Variants in ERGIC3 observed in about 807,000 individuals in gnomAD.
The protein encoded by ERGIC3 is endoplasmic reticulum-Golgi intermediate compartment protein 3.
ERGIC3 carries 33 observed loss-of-function variants against 54.7 expected under a neutral mutation model. The observed-to-expected ratio is 0.60, with a 90% CI of 0.46 to 0.81. The LOEUF is 0.81. Among genes scored for constraint, ERGIC3 ranks in the 30% least tolerant of loss-of-function variants. The pLI is 0.00. For synonymous variants in ERGIC3, 186 were observed against 189.8 expected (o/e 0.98, Z 0.16); for missense variants, 399 against 488.4 (o/e 0.82, Z 1.73).
intron 7 of ERGIC3, among the ~76,000 whole-genome samples, chr20:35,551,223 G>A (rs1427931709): frequency 6.6e-6 from 1 of 151,932 alleles, no homozygotes; most frequent in Non-Finnish European, 1.5e-5. Context: ...GAACCCAGGA[G>A]GCGGAGGTTG....
chr20:35,548,425 G>A (rs1264427812), intron 5 of ERGIC3, 84 bp from the exon 6 acceptor site: 14 of 1,452,498 alleles, frequency 9.6e-6, no homozygotes, highest in Non-Finnish European at 9.4e-7. Flanking sequence ...TTAGCAGGCA[G>A]AGCTGCTCGG....
chr20:35,554,239 T>C (rs1005407473), intron 7 of ERGIC3: 7 of 1,208,844 alleles, frequency 5.8e-6, no homozygotes, highest in African/African-American at 1.5e-5. Flanking sequence ...GAAGGAGGCT[T>C]GTTAGCTGGG....
chr20:35,546,224 A>G (rs2064648017), intron 4 of ERGIC3, among the ~76,000 whole-genome samples: 1 of 152,198 alleles, frequency 6.6e-6, no homozygotes, highest in African/African-American at 2.4e-5. Context: ...TGAAAATCGG[A>G]TCAAAGAGCA....
chr20:35,555,514 A>G (rs2147310726), intron 8 of ERGIC3, among the ~76,000 whole-genome samples: 1 of 152,282 alleles, frequency 6.6e-6, no homozygotes, highest in Middle Eastern at 3.4e-3. Context: ...TTTAGGAAAG[A>G]TCCTTCTAGT....
chr20:35,557,411 T>A lies in ERGIC3; in HGVS notation c.1073-14T>A. 1 of 1,613,882 alleles carries A rather than the reference T, an allele frequency of 6.2e-7. No individual in the cohort carries two copies. On this transcript the variant is annotated splice_polypyrimidine_tract_variant and intron_variant, in intron 12 of 12. Coordinates refer to ENST00000348547, the MANE Select transcript of ERGIC3 (RefSeq NM_015966.3). ...CCCCCACTGGGCCAGTGCCAGCCCT[T>A]GTCTCTCTCCCAGTGGCTGGACTCA... is the stretch of plus-strand genomic sequence containing the variant.
chr20:35,546,845 T>C (rs377697279), intron 4 of ERGIC3, among the ~76,000 whole-genome samples: 20 of 152,238 alleles, frequency 1.3e-4, no homozygotes, highest in African/African-American at 4.3e-4. Context: ...GGTATGAGTA[T>C]GAAAATGGGT....
chr20:35,542,997 A>T, intron 4 of ERGIC3, 56 bp downstream of exon 4: 1 of 1,610,038 alleles, frequency 6.2e-7, no homozygotes, highest in Admixed American at 1.7e-5. Flanking sequence ...ACCCAAGCCT[A>T]TCTGCTAGCA....
At chr20:35,548,447 C>T (rs976148001) in intron 5 of ERGIC3, 62 bp from the exon 6 acceptor site, 161 of 1,568,106 alleles carry the variant, frequency 1.0e-4, no homozygotes, top group Non-Finnish European at 4.2e-5. Context: ...CTCTATTTCC[C>T]CAGATGCCAG....
At chr20:35,555,233 C>A (rs554682035) in intron 8 of ERGIC3, among the ~76,000 whole-genome samples, 158 bp downstream of exon 8, 1 of 152,180 alleles carries the variant, frequency 6.6e-6, no homozygotes, top group African/African-American at 2.4e-5. Flanking sequence ...GCGAGAGTGA[C>A]TTTTGAACTG....
intron 4 of ERGIC3, among the ~76,000 whole-genome samples, chr20:35,546,729 C>T (rs183616862): frequency 2.6e-4 from 40 of 152,200 alleles, no homozygotes; most frequent in Middle Eastern, 6.8e-3. Flanking sequence ...TGGTGGATTT[C>T]GGGTACTAAA....
intron 5 of ERGIC3, among the ~76,000 whole-genome samples, chr20:35,547,831 A>G (rs1165971095): frequency 6.6e-6 from 1 of 152,142 alleles, no homozygotes; most frequent in Non-Finnish European, 1.5e-5. Flanking sequence ...GTGAAGAGGG[A>G]TGATAATAAC....
At chr20:35,556,315 A>G in intron 10 of ERGIC3, 44 bp downstream of exon 10, 2 of 1,600,164 alleles carry the variant, frequency 1.2e-6, no homozygotes, top group Non-Finnish European at 1.7e-6. Context: ...CGCGGTGCCA[A>G]GCACTGGAGT....
At chr20:35,544,454 C>A in intron 4 of ERGIC3, 1 of 317,342 alleles carries the variant, frequency 3.2e-6, no homozygotes, top group Non-Finnish European at 6.4e-6. Flanking sequence ...CATCAGCTTT[C>A]CTCATGATGG....
chr20:35,555,050 A>G lies in ERGIC3; in HGVS notation c.692A>G (p.Asp231Gly). Residue 231 changes from aspartate (D) to glycine (G), a missense_variant, in exon 8 of 13, where the codon GAC becomes GGC. Coordinates refer to ENST00000348547, the MANE Select transcript of ERGIC3 (RefSeq NM_015966.3). Reference sequence around the variant, plus strand: ...CTTCTCCCTTCTCTCCTAGTCCATGACTTGCAGAGCTTTGGCCTTGACAAC... The same window carrying G: ...CTTCTCCCTTCTCTCCTAGTCCATGGCTTGCAGAGCTTTGGCCTTGACAAC... ...SFQQSHVHVH[D>G]LQSFGLDNIN... 2 of 1,611,366 alleles carry G rather than the reference A, an allele frequency of 1.2e-6. No individual in the cohort carries two copies. The highest frequency in any genetic ancestry group is 1.7e-5 in the Admixed American group (1 of 59,506).
At chr20:35,556,870 G>A (rs756507347) in intron 10 of ERGIC3, 103 bp from the exon 11 acceptor site, 5 of 1,529,548 alleles carry the variant, frequency 3.3e-6, no homozygotes, top group Middle Eastern at 1.7e-4. Context: ...CTCCTTACAC[G>A]GCCAAGGCTC....
chr20:35,552,152 A>C (rs920319159), intron 7 of ERGIC3, among the ~76,000 whole-genome samples: 1 of 152,162 alleles, frequency 6.6e-6, no homozygotes, highest in Non-Finnish European at 1.5e-5. Flanking sequence ...CAGGCTCTGT[A>C]GGTACAGGTA....
chr20:35,542,646 A>G, intron 3 of ERGIC3, 46 bp downstream of exon 3: 1 of 1,609,544 alleles, frequency 6.2e-7, no homozygotes, highest in East Asian at 2.2e-5. Flanking sequence ...CAGGGTTCTC[A>G]TGTGGGCTGC....
At chr20:35,543,567 G>A (rs2064629217) in intron 4 of ERGIC3, 1 of 469,830 alleles carries the variant, frequency 2.1e-6, no homozygotes, top group Admixed American at 2.4e-5. Flanking sequence ...CGTTAACTCA[G>A]TTTCCCACCA....
intron 7 of ERGIC3, among the ~76,000 whole-genome samples, chr20:35,552,332 G>A (rs1481935719): frequency 2.0e-5 from 3 of 152,200 alleles, no homozygotes; most frequent in African/African-American, 7.2e-5. Context: ...GTGGAAGAGT[G>A]CGTGGACTGG....
Sources: gnomAD v4.1 joint callset for allele counts (sites outside exome capture counted in the v4.1 genomes callset) on GRCh38, gnomAD v4.1.1 for gene constraint, MANE v1.5 for transcripts, NCBI Gene and HGNC (gene_info 2026-07-23, HGNC 2026-07-21) for gene names.